ELL3: variants seen among roughly 807,000 people sequenced by gnomAD.
ELL3 encodes the protein RNA polymerase II elongation factor ELL3.
A neutral mutation model predicts 58.5 loss-of-function variants in ELL3; 48 were observed. The ratio of observed to expected loss-of-function variants is 0.82; its 90% CI spans 0.65 to 1.04. The LOEUF is 1.04. Ranked by LOEUF, ELL3 falls within the 50% of genes least tolerant of loss-of-function variation. The probability of loss-of-function intolerance (pLI) is 0.00; values close to 1 mark genes in which losing one functional copy is unlikely to be tolerated. For missense variants in ELL3, 458 were observed against 478.4 expected (o/e 0.96, Z 0.40); for synonymous variants, 174 against 173.2 (o/e 1.00, Z -0.04).
Position 43,774,734 on chromosome 15 carries a change from T to TTTC in ELL3, c.682_684dup (p.Glu228dup), listed in dbSNP as rs2086902291. The TTTC allele has an allele frequency of 6.2e-7, 1 of 1,613,336 alleles. No homozygotes were observed. Among genetic ancestry groups the TTTC allele is most frequent in the African/African-American group, 1.3e-5 (1 of 74,830 alleles). On this transcript the variant is annotated inframe_insertion, in exon 7 of 11. Coordinates refer to ENST00000319359, the MANE Select transcript of ELL3 (RefSeq NM_025165.3). ...ACTAAAGGCAGAGTTCTGAACCTCT[T>TTTC]TTCTTCCAGTTCTACAGTGGCTACA...
intron 2 of ELL3, 165 bp downstream of exon 2, chr15:43,776,343 TG>T: frequency 8.0e-7 from 1 of 1,250,976 alleles, no homozygotes; most frequent in South Asian, 1.3e-5. Context: ...CACAGCCCCC[TG>T]GGACAACCCC....
chr15:43,773,307 C>A lies in ELL3; in HGVS notation c.1080G>T (p.Arg360Ser). ...DKIIQEYKKF[R>S]KQYPSYREEK... ...CCGTTCCCAGACCTTGTCTTACCTT[C>A]CTGAACTTTTTATATTCCTGGATTA... Residue 360 changes from arginine to serine, a missense_variant, in exon 10 of 11, where the codon AGG becomes AGT. By Grantham distance (110) the Arg-to-Ser change is moderately radical. Transcript: ENST00000319359. 6.2e-7 allele frequency: 1 copy of A among 1,614,198 alleles called. No homozygotes were observed. The highest frequency in any genetic ancestry group is 8.5e-7 in the Non-Finnish European group (1 of 1,180,038).
intron 6 of ELL3, 79 bp from the exon 7 acceptor site, chr15:43,774,852 G>C: frequency 7.0e-7 from 1 of 1,438,082 alleles, no homozygotes; most frequent in Non-Finnish European, 9.2e-7. Flanking sequence ...TTTCTCCTAG[G>C]CTGGGCACAG....
At chr15:43,773,274 C>A (rs763299517) in intron 10 of ELL3, 30 bp downstream of exon 10, 1 of 1,614,048 alleles carries the variant, frequency 6.2e-7, no homozygotes, top group Non-Finnish European at 8.5e-7. Flanking sequence ...TCTCATTCTA[C>A]CTTGCTTCCG....
Position 43,774,269 on chromosome 15 carries a change from C to CA in ELL3, c.950dup (p.His318AlafsTer19). ...GGCTTGCAGTCCCAACACGGGCATG[C>CA]AGGATGCGGTATTCAGCATAATCTG... On this transcript the variant is annotated frameshift_variant, in exon 9 of 11. Transcript: ENST00000319359. LOFTEE classifies it high-confidence loss of function. The CA allele has an allele frequency of 1.2e-6, 2 of 1,614,184 alleles. No homozygotes were observed.
At chr15:43,773,471 C>A in intron 9 of ELL3, 123 bp from the exon 10 acceptor site, 1 of 997,928 alleles carries the variant, frequency 1.0e-6, no homozygotes, top group South Asian at 1.4e-5. Flanking sequence ...ATAACGAGGT[C>A]AGGAGATCTT....
chr15:43,774,495 C>T lies in ELL3; in HGVS notation c.847G>A (p.Asp283Asn). 1 of 1,614,164 alleles carries T rather than the reference C, an allele frequency of 6.2e-7. No homozygotes were observed. Among genetic ancestry groups the T allele is most frequent in the South Asian group, 1.1e-5 (1 of 91,082 alleles). ...ACTCACAGGAGGTAGTCTGGTATAT[C>T]TTCAGGACTTGGGGATTCAGAATCT... ...QEDSESPSPEDIPDYLLQYRA... is the reference protein window; with the variant it reads ...QEDSESPSPENIPDYLLQYRA... Residue 283 changes from aspartate (D) to asparagine (N), a missense_variant, in exon 8 of 11, where the codon GAT becomes AAT. Coordinates refer to ENST00000319359, the MANE Select transcript of ELL3 (RefSeq NM_025165.3).
chr15:43,774,901 G>A (rs1038437528), intron 6 of ELL3, 128 bp from the exon 7 acceptor site: 4 of 1,027,176 alleles, frequency 3.9e-6, no homozygotes, highest in Non-Finnish European at 1.4e-6. Context: ...CAGAGGCTCA[G>A]GTGGGGGGAT....
Position 43,775,892 on chromosome 15 carries a change from A to C in ELL3, c.313T>G (p.Ser105Ala), listed in dbSNP as rs1237442822. The change falls in exon 4 of 11, where the codon TCA (serine) becomes GCA (alanine). Residue 105 changes from serine to alanine, a missense_variant. Ser to Ala is a moderately conservative substitution (Grantham distance 99). Transcript: ENST00000319359. ...SGPNSLHCLGSLRERLIIWAA... is the reference protein window; with the variant it reads ...SGPNSLHCLGALRERLIIWAA... ...CAAATAATGAGGCGCTCCCTGAGTG[A>C]GCCCAGGCAGTGGAGGCTGTTAGGC... 2 of 1,614,168 alleles carry C rather than the reference A, an allele frequency of 1.2e-6. No individual in the cohort carries two copies. The highest frequency in any genetic ancestry group is 1.7e-5 in the Admixed American group (1 of 60,012).
rs2086891863 is a variant in ELL3, at chr15:43,773,227, C to T, written c.1084-1G>A. 6.2e-7 allele frequency: 1 copy of T among 1,613,724 alleles called. No homozygotes were observed. On this transcript the variant is annotated splice_acceptor_variant, in intron 10 of 10. Transcript: ENST00000319359. LOFTEE classifies it high-confidence loss of function. ...TTTCTTCTCTGTAACTTGGGTACTG[C>T]TGCAGAGAAAAAGCATCCATGTCAA...
chr15:43,776,132 G>C lies in ELL3; in HGVS notation c.188C>G (p.Pro63Arg), dbSNP rs756376497. 2.5e-5 allele frequency: 41 copies of C among 1,614,020 alleles called. No individual in the cohort carries two copies. The highest frequency in any genetic ancestry group is 3.3e-5 in the Non-Finnish European group (39 of 1,180,020). ...GAAGGAGAAGAGGCAGGACCAACCA[G>C]GGCCTGGGAGTCTCAGATACTGGGG... ...GHRGYLRLPG[P>R]GWSCLFSFIV... The change falls in exon 3 of 11, where the codon CCT becomes CGT. Residue 63 changes from proline to arginine, a missense_variant. By Grantham distance (103) the Pro-to-Arg change is moderately radical. Coordinates refer to ENST00000319359, the MANE Select transcript of ELL3 (RefSeq NM_025165.3).
Position 43,775,350 on chromosome 15 carries a change from C to T in ELL3, c.601G>A (p.Val201Ile). ...CTGGCAGAGGAAGGCAGTGCCTGAA[C>T]AGGTTCTCTGTTTGGAACATGGGTC... The part of the protein sequence containing the change: ...SQTHVPNREP[V>I]QALPSSASRK... The change falls in exon 6 of 11, where the codon GTT becomes ATT. Residue 201 changes from valine to isoleucine, a missense_variant. Val to Ile is a conservative substitution (Grantham distance 29). Coordinates refer to ENST00000319359, the MANE Select transcript of ELL3 (RefSeq NM_025165.3). 1 of 1,613,598 alleles carries T rather than the reference C, an allele frequency of 6.2e-7. No individual in the cohort carries two copies.
At position 43,775,721 on chromosome 15, in the gene ELL3, C is replaced by T. The variant is rs773868260; in HGVS notation, c.483+1G>A. 6.2e-6 allele frequency: 10 copies of T among 1,614,020 alleles called. No individual in the cohort carries two copies. In the Admixed American group the frequency reaches 1.3e-4, roughly 22 times the overall value. On this transcript the variant is annotated splice_donor_variant, in intron 4 of 10. Coordinates refer to ENST00000319359, the MANE Select transcript of ELL3 (RefSeq NM_025165.3). LOFTEE classifies it high-confidence loss of function. ...TCCCTGCAATTTCTGGCCTCACCCA[C>T]CTCCTCTAGTGCCATCTGTGGCTGT... is the stretch of plus-strand genomic sequence containing the variant.
chr15:43,775,205 T>C (rs373457280), intron 6 of ELL3, 101 bp downstream of exon 6: 6 of 1,230,808 alleles, frequency 4.9e-6, no homozygotes, highest in Non-Finnish European at 6.7e-6. Context: ...GCTTCCAATT[T>C]CTAAATTTTA....
At chr15:43,776,485 C>A (rs2086918097) in intron 2 of ELL3, 24 bp downstream of exon 2, 2 of 1,560,366 alleles carry the variant, frequency 1.3e-6, no homozygotes, top group Admixed American at 1.9e-5. Context: ...TCACCTCGCT[C>A]ACACACCCTG....
intron 8 of ELL3, 44 bp downstream of exon 8, chr15:43,774,432 A>G (rs369611382): frequency 6.2e-7 from 1 of 1,613,794 alleles, no homozygotes; most frequent in Non-Finnish European, 8.5e-7. Flanking sequence ...GTATCTTAAT[A>G]TATGAACAAG....
Position 43,775,318 on chromosome 15 carries a change from T to C in ELL3, c.633A>G (p.Lys211=), listed in dbSNP as rs1377721628. ...CATTCTAACTTACCTTGTCCAGACG[T>C]TTCCGGCTGGCAGAGGAAGGCAGTG... ...VQALPSSASR[K]RLDKKRSVPV... The change falls in exon 6 of 11, where the codon AAA becomes AAG. Residue 211 remains lysine (K), a synonymous_variant. Coordinates refer to ENST00000319359, the MANE Select transcript of ELL3 (RefSeq NM_025165.3). 1.9e-6 allele frequency: 3 copies of C among 1,612,456 alleles called. No individual in the cohort carries two copies. The highest frequency in any genetic ancestry group is 1.7e-5 in the Admixed American group (1 of 59,886).
chr15:43,776,391 G>A, intron 2 of ELL3, 118 bp downstream of exon 2: 1 of 1,482,936 alleles, frequency 6.7e-7, no homozygotes, highest in East Asian at 2.5e-5. Context: ...TCAGTTATCG[G>A]AACTACCTCA....
Position 43,775,920 on chromosome 15 carries a change from A to G in ELL3, c.285T>C (p.Ser95=). 3 of 1,614,154 alleles carry G rather than the reference A, an allele frequency of 1.9e-6. No individual in the cohort carries two copies. The change falls in exon 4 of 11, where the codon TCT becomes TCC. Residue 95 remains serine (S), a synonymous_variant. Transcript: ENST00000319359. ...CCAGGCAGTGGAGGCTGTTAGGCCC[A>G]GACCTGGAAAAGGATGGTGGAAAAA... is the stretch of plus-strand genomic sequence containing the variant. ...LDLVCQRFLR[S]GPNSLHCLGS...
Sources: gnomAD v4.1 joint callset for allele counts on GRCh38, gnomAD v4.1.1 for gene constraint, MANE v1.5 for transcripts, NCBI Gene and HGNC (gene_info 2026-07-23, HGNC 2026-07-21) for gene names.